RABL3: variants seen among roughly 807,000 people sequenced by gnomAD.
RABL3 encodes rab-like protein 3.
A neutral mutation model predicts 31.8 loss-of-function variants in RABL3; 31 were observed. That is an observed-to-expected ratio of 0.97 (90% CI 0.73 to 1.31). The LOEUF (loss-of-function observed/expected upper bound fraction) is 1.31. Among genes scored for constraint, RABL3 ranks in the 40% most tolerant of loss-of-function variants. The pLI is 0.00. For missense variants in RABL3, 263 were observed against 279.6 expected (o/e 0.94, Z 0.42); for synonymous variants, 97 against 99.9 (o/e 0.97, Z 0.18).
intron 5 of RABL3, among the ~76,000 whole-genome samples, chr3:120,696,229 C>T (rs1156616190): frequency 6.6e-6 from 1 of 152,164 alleles, no homozygotes; most frequent in Non-Finnish European, 1.5e-5. Flanking sequence ...TTGATGTATA[C>T]ATTTGTTAAT....
chr3:120,714,935 A>G (rs1708651300), intron 2 of RABL3, among the ~76,000 whole-genome samples: 1 of 152,176 alleles, frequency 6.6e-6, no homozygotes, highest in Non-Finnish European at 1.5e-5. Flanking sequence ...GTGGTTCGGG[A>G]TTATTTCTAT....
intron 1 of RABL3, among the ~76,000 whole-genome samples, chr3:120,732,561 ATTTG>A (rs975989999): frequency 4.0e-4 from 60 of 151,720 alleles, no homozygotes; most frequent in African/African-American, 1.2e-3. Context: ...TTATTTATTT[ATTTG>A]TTTATTTTAT....
At position 120,741,508 on chromosome 3, in the gene RABL3, C is replaced by A. The variant is rs535628308; in HGVS notation, c.46+954G>T. The stretch of plus-strand genomic sequence containing the variant: ...CTCTTAGGCCAACTCCAGAGGAGCG[C>A]TTCTATAAAATGCAAGGTCAGCATT... On this transcript the variant is annotated intron_variant, in intron 1 of 7. Coordinates refer to ENST00000273375, the MANE Select transcript of RABL3 (RefSeq NM_173825.5). Among the ~76,000 whole-genome samples the A allele has an allele frequency of 2.4e-4, 37 of 152,214 alleles. No homozygotes were observed. The South Asian group carries it at 7.5e-3, about 31-fold the overall frequency.
chr3:120,719,639 G>C (rs1006697036), intron 2 of RABL3, among the ~76,000 whole-genome samples: 3 of 152,244 alleles, frequency 2.0e-5, no homozygotes, highest in Non-Finnish European at 4.4e-5. Flanking sequence ...CAAGGCAGCA[G>C]CCAGGCTGGG....
intron 4 of RABL3, 111 bp from the exon 5 acceptor site, chr3:120,698,684 G>A: frequency 2.1e-6 from 2 of 942,766 alleles, no homozygotes; most frequent in Non-Finnish European, 3.2e-6. Context: ...ACTGATTTTT[G>A]CTGCCTTCAC....
chr3:120,708,690 C>A (rs1355352381), intron 3 of RABL3, among the ~76,000 whole-genome samples: 1 of 151,864 alleles, frequency 6.6e-6, no homozygotes, highest in Non-Finnish European at 1.5e-5. Context: ...TTCATATATA[C>A]CATTGTATAT....
chr3:120,740,315 G>A (rs1709025801), intron 1 of RABL3, among the ~76,000 whole-genome samples: 1 of 152,082 alleles, frequency 6.6e-6, no homozygotes, highest in Non-Finnish European at 1.5e-5. Flanking sequence ...AGGCTAGAGT[G>A]CAGTGGCACG....
At chr3:120,736,757 G>A (rs565948744) in intron 1 of RABL3, among the ~76,000 whole-genome samples, 1 of 152,132 alleles carries the variant, frequency 6.6e-6, no homozygotes, top group Non-Finnish European at 1.5e-5. Context: ...GCATTTGCTT[G>A]TCTGTCAAGT....
chr3:120,730,042 G>A (rs1026985730), intron 2 of RABL3, among the ~76,000 whole-genome samples: 19 of 152,088 alleles, frequency 1.2e-4, no homozygotes, highest in Admixed American at 7.2e-4. Context: ...TTAGTCTTAC[G>A]GAAGATTTCT....
intron 1 of RABL3, 22 bp downstream of exon 1, chr3:120,742,440 A>T (rs200237867): frequency 4.8e-5 from 78 of 1,613,086 alleles, no homozygotes; most frequent in Admixed American, 2.0e-4. Flanking sequence ...CTGGAGCCCC[A>T]GAGGTAGGGT....
At chr3:120,711,569 C>G (rs1708613062) in intron 2 of RABL3, among the ~76,000 whole-genome samples, 1 of 152,096 alleles carries the variant, frequency 6.6e-6, no homozygotes, top group South Asian at 2.1e-4. Flanking sequence ...GCTCAAAACC[C>G]TCCAATGACT....
chr3:120,736,832 C>A (rs1708973001), intron 1 of RABL3, among the ~76,000 whole-genome samples: 1 of 152,168 alleles, frequency 6.6e-6, no homozygotes, highest in Non-Finnish European at 1.5e-5. Context: ...GTTGAAAATT[C>A]TTTTCTTTAA....
intron 2 of RABL3, among the ~76,000 whole-genome samples, chr3:120,719,353 C>A (rs1447148451): frequency 6.6e-6 from 1 of 152,136 alleles, no homozygotes; most frequent in Non-Finnish European, 1.5e-5. Context: ...ACAGTGGGTG[C>A]AGGACAGTGG....
chr3:120,702,114 A>G (rs958049531), intron 4 of RABL3, among the ~76,000 whole-genome samples: 5 of 152,210 alleles, frequency 3.3e-5, no homozygotes, highest in African/African-American at 1.2e-4. Context: ...ATAGTGTAGA[A>G]ATACAATATT....
intron 1 of RABL3, among the ~76,000 whole-genome samples, chr3:120,736,511 T>C (rs1272184644): frequency 6.6e-6 from 1 of 152,250 alleles, no homozygotes; most frequent in African/African-American, 2.4e-5. Context: ...GTCTTTTAAT[T>C]GGAGCATTTA....
intron 2 of RABL3, among the ~76,000 whole-genome samples, chr3:120,719,845 C>A (rs1461457798): frequency 6.6e-6 from 1 of 152,200 alleles, no homozygotes; most frequent in Non-Finnish European, 1.5e-5. Context: ...TAGTGGTTCT[C>A]CCAGCATGCA....
intron 5 of RABL3, among the ~76,000 whole-genome samples, chr3:120,696,622 CACACACAT>C (rs954216110): frequency 6.0e-5 from 9 of 149,586 alleles, no homozygotes; most frequent in East Asian, 3.9e-4. Context: ...CACACACACA[CACACACAT>C]GCACGCGATT....
At position 120,688,374 on chromosome 3, in the gene RABL3, A is replaced by C. The variant is rs1207957586; in HGVS notation, c.*1449T>G. On this transcript the variant is annotated 3_prime_UTR_variant, in exon 8 of 8. Transcript: ENST00000273375. Reference sequence around the variant, plus strand: ...GCTATGTCCTTTCAAAGAGGAAGTAAAGAAAGGCTGGAGAACAGTCTAGCT... The same window carrying C: ...GCTATGTCCTTTCAAAGAGGAAGTACAGAAAGGCTGGAGAACAGTCTAGCT... The C allele has an allele frequency of 2.6e-5, 4 of 152,618 alleles. No homozygotes were observed. Among genetic ancestry groups the C allele is most frequent in the Non-Finnish European group, 5.9e-5 (4 of 68,034 alleles). The allele number at this position is 152,618 out of a possible 1,614,324, so 9.5% of individuals were successfully genotyped here. A position where few individuals can be genotyped will look rare whatever the true frequency, so the allele number is the denominator to read the frequency against.
intron 2 of RABL3, among the ~76,000 whole-genome samples, chr3:120,712,209 T>A (rs1708620460): frequency 6.6e-6 from 1 of 152,056 alleles, no homozygotes; most frequent in Non-Finnish European, 1.5e-5. Context: ...CACATTGACA[T>A]TAAGAAGACA....
Sources: allele counts gnomAD v4.1 joint callset (sites outside exome capture counted in the v4.1 genomes callset), GRCh38; gene constraint gnomAD v4.1.1; transcripts MANE v1.5; gene names NCBI Gene and HGNC (gene_info 2026-07-23, HGNC 2026-07-21).